Variants in ZNF417 observed in about 807,000 individuals in gnomAD.
ZNF417 encodes the protein zinc finger protein 417.
A neutral mutation model predicts 7.4 loss-of-function variants in ZNF417; 5 were observed. The observed-to-expected ratio is 0.68, with a 90% CI of 0.35 to 1.43. ZNF417 has a LOEUF of 1.43. Ranked by LOEUF, ZNF417 falls within the 40% of genes most tolerant of loss-of-function variation. The probability of loss-of-function intolerance (pLI) is 0.04; values close to 1 mark genes in which losing one functional copy is unlikely to be tolerated. For missense variants in ZNF417, 437 were observed against 697.3 expected, an observed-to-expected ratio of 0.63 and a Z score of 4.20; for synonymous variants, 147 against 239.1, an observed-to-expected ratio of 0.61 and a Z score of 3.55.
In ZNF417 at chr19:57,909,385, C is replaced by T; in HGVS notation, c.893G>A (p.Cys298Tyr). The T allele has an allele frequency of 6.2e-7, 1 of 1,614,220 alleles. No homozygotes were observed. The highest frequency in any genetic ancestry group is 8.5e-7 in the Non-Finnish European group (1 of 1,180,040). ...RVHTGKTAYP[C>Y]EECGKSFSQK... ...ACTAAAAGATTTCCCGCACTCCTCA[C>T]AGGGATAAGCTGTCTTTCCAGTGTG... Residue 298 changes from cysteine to tyrosine, a missense_variant, in exon 3 of 3, where the codon TGT becomes TAT. Coordinates refer to ENST00000312026, the MANE Select transcript of ZNF417 (RefSeq NM_152475.3).
rs1158640765 is a variant in ZNF417, at chr19:57,913,592, T to A, written c.34-1403A>T. On this transcript the variant is annotated intron_variant, in intron 1 of 2. Coordinates refer to ENST00000312026, the MANE Select transcript of ZNF417 (RefSeq NM_152475.3). ...AAAGTCATCTCAAAACGTTTATGAA[T>A]CCAGACAGTGATAAATAGTTACAAC... Among the ~76,000 whole-genome samples the A allele has an allele frequency of 3.3e-5, 5 of 152,152 alleles. 1 individual carries two copies. Among genetic ancestry groups the A allele is most frequent in the Admixed American group, 3.3e-4 (5 of 15,272 alleles).
At chr19:57,910,442 A>G (rs1171992862) in intron 2 of ZNF417, among the ~76,000 whole-genome samples, 1 of 152,042 alleles carries the variant, frequency 6.6e-6, no homozygotes, top group African/African-American at 2.4e-5. Context: ...GCCACTCGGG[A>G]GGCTGAGGCA....
intron 1 of ZNF417, among the ~76,000 whole-genome samples, chr19:57,915,139 G>A (rs957375399): frequency 6.6e-6 from 1 of 152,142 alleles, no homozygotes; most frequent in Non-Finnish European, 1.5e-5. Flanking sequence ...CTGGTTGTCT[G>A]ACCTGCTTGT....
Position 57,916,418 on chromosome 19 carries a change from A to AC in ZNF417, c.-8dup, listed in dbSNP as rs2071949371. The AC allele has an allele frequency of 6.2e-7, 1 of 1,613,466 alleles. No homozygotes were observed. On this transcript the variant is annotated 5_prime_UTR_variant, in exon 1 of 3. Coordinates refer to ENST00000312026, the MANE Select transcript of ZNF417 (RefSeq NM_152475.3). ...TCGGCGCAGCCGCTGCCATCGGACT[A>AC]CTTGGGGAAGCACGGCCCGGGAGCA... is the stretch of plus-strand genomic sequence containing the variant.
rs535731186 is a variant in ZNF417 at position 57,908,877 on chromosome 19, C to T, written c.1401G>A (p.Glu467=). The T allele has an allele frequency of 3.7e-6, 6 of 1,613,964 alleles. No homozygotes were observed. Among genetic ancestry groups the T allele is most frequent in the Middle Eastern group, 1.6e-4 (1 of 6,062 alleles). ...TATTACCAAATAATTTCCCACATAC[C>T]TCACACGCATATGGCCTTTCTCCAG... ...VHTGERPYAC[E]VCGKLFGNKN... Residue 467 remains glutamate (E), a synonymous_variant, in exon 3 of 3, where the codon GAG becomes GAA. Coordinates refer to ENST00000312026, the MANE Select transcript of ZNF417 (RefSeq NM_152475.3).
rs947036125 is a variant in ZNF417, at chr19:57,907,702, T to TG, written c.*847dup. On this transcript the variant is annotated 3_prime_UTR_variant, in exon 3 of 3. Transcript: ENST00000312026. The stretch of plus-strand genomic sequence containing the variant: ...GCTACAGTGTCGACATTCATGCAAG[T>TG]GGGGAAATGGGCATGTGGCCCCTGA... 1.2e-4 allele frequency: 18 copies of TG among 154,806 alleles called. No homozygotes were observed. Among genetic ancestry groups the TG allele is most frequent in the African/African-American group, 4.3e-4 (18 of 41,514 alleles). The allele number at this position is 154,806 out of a possible 1,614,324, so 9.6% of individuals were successfully genotyped here.
At chr19:57,914,764 G>A (rs192666891) in intron 1 of ZNF417, among the ~76,000 whole-genome samples, 85 of 152,278 alleles carry the variant, frequency 5.6e-4, no homozygotes, top group African/African-American at 2.0e-3. Context: ...TTCACAACCT[G>A]GTAGCAAATC....
At chr19:57,912,008 A>G (rs1401235226) in intron 2 of ZNF417, 52 bp downstream of exon 2, 3 of 1,487,698 alleles carry the variant, frequency 2.0e-6, no homozygotes, top group African/African-American at 1.4e-5. Context: ...AATGAAAAAC[A>G]GGGGAACAGT....
intron 1 of ZNF417, among the ~76,000 whole-genome samples, chr19:57,916,006 T>G (rs2071944040): frequency 6.6e-6 from 1 of 152,162 alleles, no homozygotes; most frequent in Non-Finnish European, 1.5e-5. Context: ...TGAATCCATC[T>G]CAGGTCCCAA....
chr19:57,910,117 G>A lies in ZNF417; in HGVS notation c.164-3C>T. 1 of 1,606,230 alleles carries A rather than the reference G, an allele frequency of 6.2e-7. No homozygotes were observed. The highest frequency in any genetic ancestry group is 8.5e-7 in the Non-Finnish European group (1 of 1,174,726). On this transcript the variant is annotated splice_region_variant and splice_polypyrimidine_tract_variant and intron_variant, in intron 2 of 2. Transcript: ENST00000312026. Reference sequence around the variant, plus strand: ...ATCTTTTGATCCACACCAACAACCTGAGAGCAAGAAAATGCTGGTCAAGTG... The same window carrying A: ...ATCTTTTGATCCACACCAACAACCTAAGAGCAAGAAAATGCTGGTCAAGTG...
chr19:57,914,881 C>T (rs2071933933), intron 1 of ZNF417, among the ~76,000 whole-genome samples: 1 of 152,158 alleles, frequency 6.6e-6, no homozygotes, highest in African/African-American at 2.4e-5. Context: ...CTCCAGGGTC[C>T]TCGGATCAAA....
rs1266553053 is a variant in ZNF417 at position 57,907,350 on chromosome 19, A to C, written c.*1200T>G. The C allele has an allele frequency of 1.3e-5, 2 of 153,574 alleles. No homozygotes were observed. The highest frequency in any genetic ancestry group is 2.9e-5 in the Non-Finnish European group (2 of 68,224). The allele number at this position is 153,574 out of a possible 1,614,324, so 9.5% of individuals were successfully genotyped here. Reference sequence around the variant, plus strand: ...AACACATATGTAAAAAATGTTATAAAGACATTAAGTGTCCACTCAATAACT... The same window carrying C: ...AACACATATGTAAAAAATGTTATAACGACATTAAGTGTCCACTCAATAACT... On this transcript the variant is annotated 3_prime_UTR_variant, in exon 3 of 3. Transcript: ENST00000312026.
intron 1 of ZNF417, among the ~76,000 whole-genome samples, chr19:57,914,009 C>T (rs1350227101): frequency 1.3e-5 from 2 of 152,196 alleles, no homozygotes; most frequent in Admixed American, 6.5e-5. Context: ...CATTTAATGC[C>T]ACCATTTATT....
intron 1 of ZNF417, among the ~76,000 whole-genome samples, chr19:57,914,158 T>C (rs2071923445): frequency 1.3e-5 from 2 of 152,160 alleles, no homozygotes; most frequent in South Asian, 4.1e-4. Context: ...TCATGCCTGA[T>C]TCCTCTTTCA....
chr19:57,910,176 C>T (rs758050227), intron 2 of ZNF417, 62 bp from the exon 3 acceptor site: 32 of 1,547,058 alleles, frequency 2.1e-5, no homozygotes, highest in Non-Finnish European at 2.8e-5. Context: ...ACAGCCCACC[C>T]ACAAGTACGT....
rs2071854585 is a variant in ZNF417, at chr19:57,908,237, G to A, written c.*313C>T. The A allele has an allele frequency of 2.4e-6, 1 of 423,268 alleles. No individual in the cohort carries two copies. Among genetic ancestry groups the A allele is most frequent in the Admixed American group, 3.8e-5 (1 of 26,120 alleles). The allele number at this position is 423,268 out of a possible 1,614,324, so 26.2% of individuals were successfully genotyped here. A position where few individuals can be genotyped will look rare whatever the true frequency, so the allele number is the denominator to read the frequency against. ...GGATAACCAGCTCATAGCTCTTGTGGTACTGAAAACCAAGTATTTGGCCGG... is the reference window on the plus strand; with the variant it reads ...GGATAACCAGCTCATAGCTCTTGTGATACTGAAAACCAAGTATTTGGCCGG... On this transcript the variant is annotated 3_prime_UTR_variant, in exon 3 of 3. Transcript: ENST00000312026.
rs1292899815 is a variant in ZNF417, at chr19:57,906,730, C to T, written c.*1820G>A. The T allele has an allele frequency of 1.1e-5, 1 of 90,592 alleles. No homozygotes were observed. Among genetic ancestry groups the T allele is most frequent in the African/African-American group, 4.5e-5 (1 of 22,094 alleles). 5.6% of individuals were successfully genotyped at this position (90,592 alleles called of 1,614,324 possible). On this transcript the variant is annotated 3_prime_UTR_variant, in exon 3 of 3. Transcript: ENST00000312026. ...GAGCCGAGACCATGCCATTGCACTT[C>T]AGCCTGGGTGACAGAGTGAGACTCT...
chr19:57,910,492 A>T lies in ZNF417; in HGVS notation c.164-378T>A, dbSNP rs1342440470. ...ACCCGGGAGGTGGAGGTTTGCATTGAGCCATGATCGCACCACTGCACTGCA... is the reference window on the plus strand; with the variant it reads ...ACCCGGGAGGTGGAGGTTTGCATTGTGCCATGATCGCACCACTGCACTGCA... On this transcript the variant is annotated intron_variant, in intron 2 of 2. Coordinates refer to ENST00000312026, the MANE Select transcript of ZNF417 (RefSeq NM_152475.3). Among the ~76,000 whole-genome samples the T allele has an allele frequency of 3.3e-5, 5 of 151,978 alleles. No homozygotes were observed. In the East Asian group the frequency reaches 9.7e-4, roughly 29 times the overall value.
At position 57,905,895 on chromosome 19, in the gene ZNF417, C is replaced by T. The variant is rs2071820835; in HGVS notation, c.*2655G>A. 6.6e-6 allele frequency among the ~76,000 whole-genome samples: 1 copy of T among 152,266 alleles called. No individual in the cohort carries two copies. The highest frequency in any genetic ancestry group is 2.4e-5 in the African/African-American group (1 of 41,556). On this transcript the variant is annotated 3_prime_UTR_variant, in exon 3 of 3. Coordinates refer to ENST00000312026, the MANE Select transcript of ZNF417 (RefSeq NM_152475.3). ...TAACAAAAGTTGTATTAATTCAAGACAAGAGCCTGCAGAGACTAAAATTGC... is the reference window on the plus strand; with the variant it reads ...TAACAAAAGTTGTATTAATTCAAGATAAGAGCCTGCAGAGACTAAAATTGC...
Sources: gnomAD v4.1 joint callset for allele counts (sites outside exome capture counted in the v4.1 genomes callset) on GRCh38, gnomAD v4.1.1 for gene constraint, MANE v1.5 for transcripts, NCBI Gene and HGNC (gene_info 2026-07-23, HGNC 2026-07-21) for gene names.